The following BABAM2 variants were observed in gnomAD, a reference collection of about 807,000 sequenced individuals.
BABAM2 encodes BRISC and BRCA1-A complex member 2.
BABAM2 carries 31 observed loss-of-function variants against 54.7 expected under a neutral mutation model. That is an observed-to-expected ratio of 0.57 (90% CI 0.43 to 0.77). The LOEUF is 0.77. BABAM2 is among the 30% of genes least tolerant of loss of function. BABAM2 has a pLI of 0.00. For synonymous variants in BABAM2, 167 were observed against 162.9 expected, an observed-to-expected ratio of 1.03 and a Z score of -0.19; for missense variants, 364 against 455.8, an observed-to-expected ratio of 0.80 and a Z score of 1.83.
chr2:28,296,220 G>A (rs1212598359), intron 10 of BABAM2, among the ~76,000 whole-genome samples: 1 of 152,180 alleles, frequency 6.6e-6, no homozygotes. Context: ...GACTGAAAAC[G>A]TTACAGATCA....
In BABAM2 at chr2:27,929,859, C is replaced by G; in HGVS notation, c.156C>G (p.Asn52Lys). The G allele has an allele frequency of 2.5e-6, 4 of 1,613,804 alleles. No individual in the cohort carries two copies. The highest frequency in any genetic ancestry group is 3.4e-6 in the Non-Finnish European group (4 of 1,179,794). ...GCACATCATTGACTCCTGGGCCCAA[C>G]TGTGACCGATTTAAACTGCACATAC... ...SGCTSLTPGP[N>K]CDRFKLHIPY... The change falls in exon 3 of 12, where the codon AAC becomes AAG. Residue 52 changes from asparagine to lysine, a missense_variant. Transcript: ENST00000379624.
chr2:28,155,018 TTC>T (rs1346970611), intron 7 of BABAM2, among the ~76,000 whole-genome samples: 1 of 152,230 alleles, frequency 6.6e-6, no homozygotes, highest in Non-Finnish European at 1.5e-5. Context: ...TGTATCTCTC[TTC>T]TCTCTCTTTT....
intron 3 of BABAM2, among the ~76,000 whole-genome samples, chr2:27,947,097 CT>C (rs560579440): frequency 2.6e-4 from 40 of 151,904 alleles, no homozygotes; most frequent in African/African-American, 9.7e-4. Context: ...GTTTTCTGCT[CT>C]TTGTTTATGC....
intron 6 of BABAM2, among the ~76,000 whole-genome samples, chr2:28,070,423 G>T (rs1159464249): frequency 6.6e-6 from 1 of 152,026 alleles, no homozygotes; most frequent in Non-Finnish European, 1.5e-5. Flanking sequence ...GCCATACGCT[G>T]GCTCTCTTCA....
intron 10 of BABAM2, among the ~76,000 whole-genome samples, chr2:28,251,699 T>A (rs7604913): frequency 0.97 from 147,044 of 152,316 alleles, 71,189 homozygotes; most frequent in Middle Eastern, 1. Context: ...TTGGATACAG[T>A]TCACATCTTT....
At chr2:27,962,463 C>T (rs930032400) in intron 3 of BABAM2, among the ~76,000 whole-genome samples, 2 of 151,980 alleles carry the variant, frequency 1.3e-5, no homozygotes, top group Admixed American at 6.6e-5. Context: ...ATAAAGTGGA[C>T]CAGATACGTA....
At chr2:28,315,470 TCTTTTCTTTTCTTTTC>T (rs1257787464) in intron 11 of BABAM2, among the ~76,000 whole-genome samples, 1 of 110,784 alleles carries the variant, frequency 9.0e-6, no homozygotes, top group Non-Finnish European at 2.0e-5. Flanking sequence ...TCTTTTCTTT[TCTTTTCTTTTCTTTTC>T]GAGACAGAGT....
chr2:27,908,799 A>G (rs577526554), intron 2 of BABAM2, among the ~76,000 whole-genome samples: 2 of 152,050 alleles, frequency 1.3e-5, no homozygotes, highest in East Asian at 3.9e-4. Context: ...TTCTTTTTTT[A>G]TGGCTGTGTG....
chr2:28,208,029 CTGTGTG>C (rs4043353), intron 7 of BABAM2, among the ~76,000 whole-genome samples: 23,800 of 148,682 alleles, frequency 0.16, 1,824 homozygotes, highest in Middle Eastern at 0.22. Flanking sequence ...GTGTTAAAGG[CTGTGTG>C]TGTGTGTGTG....
intron 2 of BABAM2, chr2:27,896,861 G>T (rs1665368249): frequency 1.4e-5 from 3 of 206,932 alleles, no homozygotes; most frequent in South Asian, 6.7e-5. Context: ...CAGGTGACAG[G>T]GAGCTCGTGG....
rs60805920 is a variant in BABAM2 at position 27,967,792 on chromosome 2, C to G, written c.206-20201C>G. ...ATTGGGAACTGGAGCAAAGGTGACTCTTGTTATGTTTTAGCAAAGAGATTG... is the reference window on the plus strand; with the variant it reads ...ATTGGGAACTGGAGCAAAGGTGACTGTTGTTATGTTTTAGCAAAGAGATTG... On this transcript the variant is annotated intron_variant, in intron 3 of 11. Coordinates refer to ENST00000379624, the MANE Select transcript of BABAM2 (RefSeq NM_199191.3). Among the ~76,000 whole-genome samples, 425 of 152,250 alleles carry G rather than the reference C, an allele frequency of 2.8e-3. 1 individual carries two copies. The highest frequency in any genetic ancestry group is 9.8e-3 in the African/African-American group (407 of 41,546).
intron 4 of BABAM2, chr2:28,016,102 C>T: frequency 1.1e-6 from 1 of 943,226 alleles, no homozygotes; most frequent in East Asian, 2.9e-5. Flanking sequence ...TCTCAGTTTT[C>T]CGTGTTTCTT....
intron 7 of BABAM2, among the ~76,000 whole-genome samples, chr2:28,134,175 A>G (rs1302427146): frequency 6.8e-6 from 1 of 147,646 alleles, no homozygotes; most frequent in East Asian, 2.0e-4. Context: ...TGTTAATTAA[A>G]AAAAAAAAAA....
chr2:27,939,961 G>A (rs1305016596), intron 3 of BABAM2, among the ~76,000 whole-genome samples: 1 of 152,124 alleles, frequency 6.6e-6, no homozygotes, highest in African/African-American at 2.4e-5. Flanking sequence ...GTTTCCTCAG[G>A]TCTTTTACTG....
intron 5 of BABAM2, among the ~76,000 whole-genome samples, chr2:28,038,852 G>A (rs1315415462): frequency 6.6e-6 from 1 of 152,144 alleles, no homozygotes; most frequent in Non-Finnish European, 1.5e-5. Flanking sequence ...CATATAAGTG[G>A]AGGTGTCCTT....
chr2:28,200,680 G>A (rs1047405974), intron 7 of BABAM2, among the ~76,000 whole-genome samples: 3 of 152,178 alleles, frequency 2.0e-5, no homozygotes, highest in African/African-American at 7.2e-5. Flanking sequence ...CCCAAAAATA[G>A]ACTTAACACT....
At chr2:27,896,178 A>G (rs1418248014) in intron 2 of BABAM2, 2 of 152,360 alleles carry the variant, frequency 1.3e-5, no homozygotes, top group African/African-American at 2.4e-5. Context: ...GCATCCACAA[A>G]TGAAGCTGTT....
At chr2:28,193,830 T>G (rs1677205101) in intron 7 of BABAM2, among the ~76,000 whole-genome samples, 1 of 152,172 alleles carries the variant, frequency 6.6e-6, no homozygotes, top group Non-Finnish European at 1.5e-5. Context: ...CAACAGATGC[T>G]TGCTAAGTAC....
At chr2:28,306,999 T>TC (rs1688600859) in intron 11 of BABAM2, among the ~76,000 whole-genome samples, 2 of 109,542 alleles carry the variant, frequency 1.8e-5, no homozygotes, top group African/African-American at 7.2e-5. Context: ...CCTGGCCTTT[T>TC]TTTTTTTTTT....
Sources: gnomAD v4.1 joint callset for allele counts (sites outside exome capture counted in the v4.1 genomes callset) on GRCh38, gnomAD v4.1.1 for gene constraint, MANE v1.5 for transcripts, NCBI Gene and HGNC (gene_info 2026-07-23, HGNC 2026-07-21) for gene names.